The following TNRC6B variants were observed in gnomAD, a reference collection of about 807,000 sequenced individuals.
TNRC6B encodes the protein trinucleotide repeat containing adaptor 6B, also known as trinucleotide repeat-containing gene 6B protein.
TNRC6B carries 52 observed loss-of-function variants against 203.6 expected under a neutral mutation model. The ratio of observed to expected loss-of-function variants is 0.26; its 90% CI spans 0.20 to 0.32. The LOEUF is 0.32. TNRC6B is among the 10% of genes least tolerant of loss of function. The pLI, the probability that TNRC6B is intolerant of heterozygous loss-of-function variation, is 1.00. For synonymous variants in TNRC6B, 838 were observed against 845.7 expected (o/e 0.99, Z 0.16); for missense variants, 1,923 against 2,286.2 (o/e 0.84, Z 3.24).
intron 1 of TNRC6B, among the ~76,000 whole-genome samples, chr22:40,061,668 T>C (rs534110610): frequency 6.6e-6 from 1 of 152,338 alleles, no homozygotes; most frequent in South Asian, 2.1e-4. Context: ...TTATCTTCTT[T>C]TTTGGTTAAT....
chr22:40,193,918 G>C (rs1365907479), intron 1 of TNRC6B, among the ~76,000 whole-genome samples: 3 of 152,200 alleles, frequency 2.0e-5, no homozygotes, highest in Non-Finnish European at 2.9e-5. Flanking sequence ...TTCACTGAGA[G>C]AGGAGATGCG....
intron 12 of TNRC6B, among the ~76,000 whole-genome samples, chr22:40,294,565 A>C (rs1456782258): frequency 1.3e-5 from 2 of 152,220 alleles, no homozygotes; most frequent in South Asian, 4.1e-4. Flanking sequence ...TTTATGGGCA[A>C]CACTATGTTA....
At chr22:40,220,198 G>A (rs933083107) in intron 1 of TNRC6B, among the ~76,000 whole-genome samples, 4 of 152,128 alleles carry the variant, frequency 2.6e-5, no homozygotes, top group Non-Finnish European at 4.4e-5. Context: ...TGCTTACTCT[G>A]GGCTTATGGA....
chr22:40,215,340 T>A (rs1213664808), intron 1 of TNRC6B, among the ~76,000 whole-genome samples: 1 of 152,186 alleles, frequency 6.6e-6, no homozygotes, highest in Non-Finnish European at 1.5e-5. Context: ...AAGCCCCCAT[T>A]CTCTGTGTGT....
At position 40,285,078 on chromosome 22, in the gene TNRC6B, C is replaced by G. The variant is rs530315740; in HGVS notation, c.3583-567C>G. Among the ~76,000 whole-genome samples, 48 of 152,286 alleles carry G rather than the reference C, an allele frequency of 3.2e-4. 1 individual carries two copies. The highest frequency in any genetic ancestry group is 2.8e-3 in the Admixed American group (43 of 15,286). ...TTTGGTGTCCCTGTAATGGTTTTTA[C>G]TTTCTCCCTTTCTTCCTTTTCTATC... On this transcript the variant is annotated intron_variant, in intron 11 of 22. Coordinates refer to ENST00000454349, the MANE Select transcript of TNRC6B (RefSeq NM_001162501.2).
At chr22:40,170,849 G>GTGTGTGTATATACATATATGTACATATA in intron 4 of TNRC6B, among the ~76,000 whole-genome samples, 2 of 92,262 alleles carry the variant, frequency 2.2e-5, no homozygotes, top group African/African-American at 1.1e-4. Flanking sequence ...GTACATATAT[G>GTGTGTGTATATACATATATGTACATATA]TGTGTATATA....
intron 1 of TNRC6B, among the ~76,000 whole-genome samples, chr22:40,198,351 A>G (rs570390788): frequency 1.3e-5 from 2 of 152,098 alleles, no homozygotes; most frequent in Non-Finnish European, 2.9e-5. Context: ...ACATTTTTAC[A>G]TTAATTCTTT....
intron 2 of TNRC6B, 89 bp downstream of exon 2, chr22:40,246,191 C>A (rs2070104658): frequency 3.7e-6 from 4 of 1,079,640 alleles, no homozygotes; most frequent in Middle Eastern, 2.4e-4. Flanking sequence ...TATCCGATAT[C>A]TTTTATTTTT....
At chr22:40,122,905 T>C (rs914198164) in intron 2 of TNRC6B, among the ~76,000 whole-genome samples, 5 of 152,272 alleles carry the variant, frequency 3.3e-5, no homozygotes, top group African/African-American at 1.2e-4. Context: ...ATTGAGTAAA[T>C]TCCCTCAAGG....
At position 40,261,823 on chromosome 22, in the gene TNRC6B, C is replaced by G. The variant is rs1244009747; in HGVS notation, c.116-9C>G. 2 of 1,537,584 alleles carry G rather than the reference C, an allele frequency of 1.3e-6. No homozygotes were observed. The highest frequency in any genetic ancestry group is 1.8e-5 in the Admixed American group (1 of 56,288). ...TTTCAAAGACTGTTTCCCAACCCCT[C>G]TCTTTTAGTGCCCGAAGTGACGAAA... On this transcript the variant is annotated splice_polypyrimidine_tract_variant and intron_variant, in intron 3 of 22. Transcript: ENST00000454349.
intron 4 of TNRC6B, among the ~76,000 whole-genome samples, chr22:40,159,483 CA>C (rs2146356313): frequency 6.6e-6 from 1 of 150,592 alleles, no homozygotes; most frequent in Admixed American, 6.6e-5. Flanking sequence ...AGTAAAAATA[CA>C]AAAAATTAGC....
chr22:40,240,595 G>A (rs1287767622), intron 1 of TNRC6B, among the ~76,000 whole-genome samples: 1 of 152,178 alleles, frequency 6.6e-6, no homozygotes, highest in African/African-American at 2.4e-5. Flanking sequence ...GGTGCCCATA[G>A]TATTGCTTTG....
intron 3 of TNRC6B, among the ~76,000 whole-genome samples, chr22:40,151,752 C>A (rs1305372439): frequency 6.7e-6 from 1 of 148,718 alleles, no homozygotes; most frequent in Non-Finnish European, 1.5e-5. Flanking sequence ...GAGAACCTCC[C>A]AGAAATTAAA....
At chr22:40,186,798 CTTTA>C (rs1013376470) in intron 1 of TNRC6B, among the ~76,000 whole-genome samples, 4 of 150,682 alleles carry the variant, frequency 2.7e-5, no homozygotes, top group East Asian at 1.9e-4. Flanking sequence ...GTAATATCGA[CTTTA>C]TTTATGTAAA....
intron 2 of TNRC6B, among the ~76,000 whole-genome samples, chr22:40,120,793 A>C (rs1402128869): frequency 1.3e-5 from 2 of 152,192 alleles, no homozygotes; most frequent in Non-Finnish European, 2.9e-5. Context: ...CCATAGGAGA[A>C]CTGGCTTAAA....
intron 2 of TNRC6B, among the ~76,000 whole-genome samples, chr22:40,249,052 A>G (rs1490342555): frequency 6.6e-6 from 1 of 152,218 alleles, no homozygotes; most frequent in African/African-American, 2.4e-5. Flanking sequence ...CCAGAGATCT[A>G]TCATGTGGTC....
intron 1 of TNRC6B, among the ~76,000 whole-genome samples, chr22:40,068,005 C>T (rs1253937229): frequency 3.9e-5 from 6 of 152,098 alleles, no homozygotes. Context: ...GGAATATACA[C>T]TCTATCATAT....
chr22:40,187,683 G>C (rs991463852), intron 1 of TNRC6B, among the ~76,000 whole-genome samples: 1 of 152,106 alleles, frequency 6.6e-6, no homozygotes, highest in Non-Finnish European at 1.5e-5. Context: ...GGTGCCACCA[G>C]GCTAATTATG....
At chr22:40,202,729 A>C (rs1386569334) in intron 1 of TNRC6B, among the ~76,000 whole-genome samples, 1 of 152,080 alleles carries the variant, frequency 6.6e-6, no homozygotes, top group African/African-American at 2.4e-5. Context: ...AGAGGAGTCC[A>C]TGTGTCGAGT....
Sources: gnomAD v4.1 joint callset for allele counts (sites outside exome capture counted in the v4.1 genomes callset) on GRCh38, gnomAD v4.1.1 for gene constraint, MANE v1.5 for transcripts, NCBI Gene and HGNC (gene_info 2026-07-23, HGNC 2026-07-21) for gene names.